GRM8: variants seen among roughly 807,000 people sequenced by gnomAD.
GRM8 encodes metabotropic glutamate receptor 8.
Under a neutral mutation model 87.2 loss-of-function variants are expected in GRM8, and 47 were observed. The observed-to-expected ratio is 0.54, with a 90% CI of 0.43 to 0.69. GRM8 has a LOEUF of 0.69. GRM8 is among the 30% of genes least tolerant of loss of function. The probability of loss-of-function intolerance (pLI) is 0.00; values close to 1 mark genes in which losing one functional copy is unlikely to be tolerated. For synonymous variants in GRM8, 396 were observed against 404.5 expected (o/e 0.98, Z 0.25); for missense variants, 1,019 against 1,139.2 (o/e 0.89, Z 1.52).
At chr7:126,538,127 C>A (rs1487104686) in intron 8 of GRM8, among the ~76,000 whole-genome samples, 1 of 152,156 alleles carries the variant, frequency 6.6e-6, no homozygotes, top group Non-Finnish European at 1.5e-5. Context: ...AGGTTTCAAT[C>A]CAGTGCATTT....
At chr7:126,967,934 T>A (rs967814026) in intron 3 of GRM8, among the ~76,000 whole-genome samples, 1 of 152,232 alleles carries the variant, frequency 6.6e-6, no homozygotes, top group South Asian at 2.1e-4. Flanking sequence ...TCCATGACTT[T>A]ACAATTCCAT....
rs1554446161 is a variant in GRM8, at chr7:126,477,622, A to AGAAAGAAC, written c.2431-31251_2431-31250insGTTCTTTC. ...AAGAAAGAAAGAAAGAAAGAAAGAA[A>AGAAAGAAC]GAAAGAAAGAAAGAAAAAACGAAAG... On this transcript the variant is annotated intron_variant, in intron 9 of 10. Transcript: ENST00000339582. 7.3e-3 allele frequency among the ~76,000 whole-genome samples: 1,045 copies of AGAAAGAAC among 144,000 alleles called. 21 individuals are homozygous for AGAAAGAAC. The highest frequency in any genetic ancestry group is 0.013 in the South Asian group (58 of 4,394). The allele number at this position is 144,000 out of a possible 152,430, so 94.5% of individuals were successfully genotyped here. A position where few individuals can be genotyped will look rare whatever the true frequency, so the allele number is the denominator to read the frequency against.
chr7:127,101,321 T>C (rs1445750178), intron 3 of GRM8, among the ~76,000 whole-genome samples: 1 of 152,118 alleles, frequency 6.6e-6, no homozygotes, highest in African/African-American at 2.4e-5. Flanking sequence ...TACATTCTGA[T>C]AGATCCCCCT....
intron 6 of GRM8, among the ~76,000 whole-genome samples, chr7:126,861,746 A>G (rs1798156533): frequency 6.6e-6 from 1 of 151,926 alleles, no homozygotes; most frequent in African/African-American, 2.4e-5. Flanking sequence ...TACTCAATCA[A>G]TTGGTTTTCA....
At chr7:126,852,937 T>C (rs1563250606) in intron 6 of GRM8, among the ~76,000 whole-genome samples, 1 of 152,238 alleles carries the variant, frequency 6.6e-6, no homozygotes, top group Non-Finnish European at 1.5e-5. Flanking sequence ...ATTTTTAATT[T>C]AGTTTTGTTC....
intron 3 of GRM8, among the ~76,000 whole-genome samples, chr7:126,951,156 G>C (rs932069377): frequency 6.6e-6 from 1 of 152,108 alleles, no homozygotes; most frequent in Non-Finnish European, 1.5e-5. Flanking sequence ...AAGTGCAAAA[G>C]AGTATCTATA....
chr7:126,615,372 A>T (rs893386155), intron 7 of GRM8, among the ~76,000 whole-genome samples: 5 of 152,220 alleles, frequency 3.3e-5, no homozygotes, highest in Non-Finnish European at 5.9e-5. Context: ...CTCCTGAAGG[A>T]AGCACTAAAC....
At chr7:126,494,173 T>C (rs1474713208) in intron 9 of GRM8, among the ~76,000 whole-genome samples, 5 of 152,006 alleles carry the variant, frequency 3.3e-5, no homozygotes, top group Admixed American at 2.6e-4. Context: ...AATTGTGCAA[T>C]TGGTTTAGAG....
intron 9 of GRM8, among the ~76,000 whole-genome samples, chr7:126,456,711 T>C (rs542671178): frequency 2.0e-5 from 3 of 151,338 alleles, no homozygotes; most frequent in Non-Finnish European, 4.4e-5. Flanking sequence ...CTGAAACTTA[T>C]CCTCGAATTA....
chr7:126,798,162 A>G (rs1822197428), intron 6 of GRM8, among the ~76,000 whole-genome samples: 1 of 115,984 alleles, frequency 8.6e-6, no homozygotes, highest in Non-Finnish European at 1.9e-5. Flanking sequence ...AATACCTTAG[A>G]GCATTTTTTT....
intron 3 of GRM8, among the ~76,000 whole-genome samples, chr7:127,051,738 GCAAAAAAAAAAAA>G (rs1053021834): frequency 3.1e-4 from 4 of 13,050 alleles, no homozygotes; most frequent in South Asian, 3.2e-3. Flanking sequence ...ATAATGTTGA[GCAAAAAAAAAAAA>G]AAAAAAAAAA....
chr7:126,663,074 G>C (rs1417273291), intron 7 of GRM8, among the ~76,000 whole-genome samples: 4 of 152,212 alleles, frequency 2.6e-5, no homozygotes, highest in Non-Finnish European at 4.4e-5. Flanking sequence ...TTCTGGCATA[G>C]CTATTAATAG....
intron 3 of GRM8, among the ~76,000 whole-genome samples, chr7:127,086,160 G>A (rs1486530343): frequency 6.6e-6 from 1 of 152,156 alleles, no homozygotes; most frequent in African/African-American, 2.4e-5. Flanking sequence ...GAGTGCAGTG[G>A]CATGATCTCG....
At chr7:127,151,896 C>G (rs1828879236) in intron 2 of GRM8, among the ~76,000 whole-genome samples, 1 of 152,034 alleles carries the variant, frequency 6.6e-6, no homozygotes, top group Non-Finnish European at 1.5e-5. Context: ...TTGTAGGTTT[C>G]TCTTTTGCAT....
chr7:127,137,638 A>C (rs1050805385), intron 2 of GRM8, among the ~76,000 whole-genome samples: 9 of 152,084 alleles, frequency 5.9e-5, no homozygotes, highest in African/African-American at 2.2e-4. Flanking sequence ...TTTCTACTTA[A>C]AATTTAAAAT....
chr7:126,723,200 T>G (rs757737553), intron 7 of GRM8, among the ~76,000 whole-genome samples: 1 of 151,798 alleles, frequency 6.6e-6, no homozygotes, highest in Non-Finnish European at 1.5e-5. Context: ...CAGATCTAAC[T>G]GCGGGTGGCA....
intron 3 of GRM8, among the ~76,000 whole-genome samples, chr7:127,017,604 A>C (rs1234936648): frequency 6.6e-6 from 1 of 152,096 alleles, no homozygotes; most frequent in African/African-American, 2.4e-5. Context: ...GAGGCTAGAA[A>C]ATTGAGATGG....
At chr7:126,456,023 C>T (rs1038775390) in intron 9 of GRM8, among the ~76,000 whole-genome samples, 1 of 151,340 alleles carries the variant, frequency 6.6e-6, no homozygotes, top group African/African-American at 2.4e-5. Flanking sequence ...ATAAAAATAT[C>T]AAATAAATTC....
At chr7:126,852,360 G>T (rs926820009) in intron 6 of GRM8, among the ~76,000 whole-genome samples, 2 of 152,176 alleles carry the variant, frequency 1.3e-5, no homozygotes, top group African/African-American at 4.8e-5. Flanking sequence ...TAGCTAGGGA[G>T]TTGGAGGAAT....
Sources: allele counts gnomAD v4.1 joint callset (sites outside exome capture counted in the v4.1 genomes callset), GRCh38; gene constraint gnomAD v4.1.1; transcripts MANE v1.5; gene names NCBI Gene and HGNC (gene_info 2026-07-23, HGNC 2026-07-21).